SBDS: variants seen among roughly 807,000 people sequenced by gnomAD.
SBDS encodes the protein SBDS ribosome maturation factor.
In SBDS, 20 loss-of-function variants were observed where a neutral mutation model predicts 26.4. The ratio of observed to expected loss-of-function variants is 0.76; its 90% confidence interval spans 0.53 to 1.10. The LOEUF (loss-of-function observed/expected upper bound fraction) is 1.10, where lower values mean the gene tolerates loss of function less well. SBDS is among the 50% of genes least tolerant of loss of function. The probability of loss-of-function intolerance (pLI) is 0.00; values close to 1 mark genes in which losing one functional copy is unlikely to be tolerated. For synonymous variants in SBDS, 95 were observed against 105.1 expected, an observed-to-expected ratio of 0.90 and a Z score of 0.59; for missense variants, 241 against 302.0, an observed-to-expected ratio of 0.80 and a Z score of 1.50.
chr7:66,994,439 A>G (rs1393523117), intron 1 of SBDS, 98 bp from the exon 2 acceptor site: 18 of 1,097,254 alleles, frequency 1.6e-5, no homozygotes, highest in Non-Finnish European at 1.9e-5. Context: ...GAACGGCAAG[A>G]CACAACAAAT....
intron 2 of SBDS, 28 bp downstream of exon 2, chr7:66,994,184 G>A (rs749210195): frequency 6.2e-7 from 1 of 1,612,124 alleles, no homozygotes; most frequent in South Asian, 1.1e-5. Context: ...TGGTTATTAG[G>A]GTTAGCTATG....
rs779179610 is a variant in SBDS, at chr7:66,988,390, CCTT to C, written c.731_733del (p.Glu244del). The stretch of plus-strand genomic sequence containing the variant: ...TGGGTGTCATTCAAATTTCTCATCT[CCTT>C]CTTCTACATCTTTCAGATTGAGTAC... On this transcript the variant is annotated inframe_deletion, in exon 5 of 5. Coordinates refer to ENST00000246868, the MANE Select transcript of SBDS (RefSeq NM_016038.4). 5.6e-6 allele frequency: 9 copies of C among 1,613,464 alleles called. No homozygotes were observed. Among genetic ancestry groups the C allele is most frequent in the African/African-American group, 2.7e-5 (2 of 74,918 alleles).
Position 66,994,359 on chromosome 7 carries a change from G to T in SBDS, c.129-18C>A, listed in dbSNP as rs1793041141. 6.2e-7 allele frequency: 1 copy of T among 1,611,548 alleles called. No individual in the cohort carries two copies. The highest frequency in any genetic ancestry group is 1.3e-5 in the African/African-American group (1 of 74,840). On this transcript the variant is annotated intron_variant, in intron 1 of 4. Coordinates refer to ENST00000246868, the MANE Select transcript of SBDS (RefSeq NM_016038.4). Reference sequence around the variant, plus strand: ...CTTTTTCCCTTGTGAGGGCAGGAGAGAAAGTCCTATGTGAATATACTTGAA... The same window carrying T: ...CTTTTTCCCTTGTGAGGGCAGGAGATAAAGTCCTATGTGAATATACTTGAA...
At chr7:66,994,457 A>G (rs1488385526) in intron 1 of SBDS, 116 bp from the exon 2 acceptor site, 2 of 962,878 alleles carry the variant, frequency 2.1e-6, no homozygotes, top group East Asian at 5.1e-5. Flanking sequence ...AATCCCCCTG[A>G]TGACCTTTAG....
At chr7:66,989,645 G>A (rs1169389439) in intron 4 of SBDS, among the ~76,000 whole-genome samples, 1 of 152,136 alleles carries the variant, frequency 6.6e-6, no homozygotes, top group East Asian at 1.9e-4. Context: ...GCTGTGGGGT[G>A]AGGTCATAAG....
At chr7:66,994,399 T>C in intron 1 of SBDS, 58 bp from the exon 2 acceptor site, 4 of 1,484,178 alleles carry the variant, frequency 2.7e-6, no homozygotes, top group Non-Finnish European at 3.8e-6. Flanking sequence ...GGACATGCAT[T>C]TACATTTAAA....
rs1170553792 is a variant in SBDS, at chr7:66,993,923, C to A, written c.258+289G>T. ...ATCTGAAAGATGAAATACTTGAAAA[C>A]AAATTCAGTTTTCAGGTATACCACA... On this transcript the variant is annotated intron_variant, in intron 2 of 4. Transcript: ENST00000246868. Among the ~76,000 whole-genome samples the A allele has an allele frequency of 1.2e-4, 17 of 143,778 alleles. 1 individual carries two copies. In the Admixed American group the frequency reaches 1.2e-3, roughly 10 times the overall value. The allele number at this position is 143,778 out of a possible 152,430, so 94.3% of individuals were successfully genotyped here. A position where few individuals can be genotyped will look rare whatever the true frequency, so the allele number is the denominator to read the frequency against.
At chr7:66,988,844 C>G (rs1021400790) in intron 4 of SBDS, among the ~76,000 whole-genome samples, 2 of 152,122 alleles carry the variant, frequency 1.3e-5, no homozygotes, top group African/African-American at 4.8e-5. Flanking sequence ...GTCACCTCCA[C>G]GTATGAAGGA....
chr7:66,992,677 A>G (rs1294055922), intron 3 of SBDS, among the ~76,000 whole-genome samples: 1 of 151,968 alleles, frequency 6.6e-6, no homozygotes, highest in Non-Finnish European at 1.5e-5. Flanking sequence ...ACTTGCTTCC[A>G]TGCAGACCCA....
In SBDS at chr7:66,993,344, A is replaced by G. The variant is rs769608705; in HGVS notation, c.332T>C (p.Ile111Thr). The change falls in exon 3 of 5, where the codon ATT becomes ACT. Residue 111 changes from isoleucine to threonine, a missense_variant. Physicochemically the swap from Ile to Thr is moderately conservative, Grantham distance 89. Coordinates refer to ENST00000246868, the MANE Select transcript of SBDS (RefSeq NM_016038.4). ...ACATTTGTCTGCCACAATAGTTGCAATGTCCCTAAACATCTGCTCCAGTTG... is the reference window on the plus strand; with the variant it reads ...ACATTTGTCTGCCACAATAGTTGCAGTGTCCCTAAACATCTGCTCCAGTTG... ...HTQLEQMFRD[I>T]ATIVADKCVN... is the part of the protein sequence containing the mutation. 2.5e-6 allele frequency: 4 copies of G among 1,614,082 alleles called. No individual in the cohort carries two copies. In the South Asian group the frequency reaches 3.3e-5, roughly 13 times the overall value.
intron 4 of SBDS, among the ~76,000 whole-genome samples, chr7:66,990,031 T>TG (rs1016935450): frequency 5.9e-5 from 9 of 151,908 alleles, no homozygotes; most frequent in Non-Finnish European, 1.2e-4. Context: ...TTTTTTTTTT[T>TG]TTTTTGAGAT....
intron 4 of SBDS, among the ~76,000 whole-genome samples, chr7:66,989,913 C>T (rs537769874): frequency 4.0e-5 from 6 of 151,062 alleles, no homozygotes; most frequent in African/African-American, 1.4e-4. Flanking sequence ...CTAGCTTTTC[C>T]TCACATGATG....
At chr7:66,993,124 A>G in intron 3 of SBDS, 93 bp downstream of exon 3, 1 of 1,171,656 alleles carries the variant, frequency 8.5e-7, no homozygotes, top group Non-Finnish European at 1.3e-6. Context: ...GGCATGAACC[A>G]TTGTGCCTGG....
intron 3 of SBDS, among the ~76,000 whole-genome samples, chr7:66,992,934 G>A (rs555055994): frequency 6.6e-6 from 1 of 151,472 alleles, no homozygotes; most frequent in Non-Finnish European, 1.5e-5. Flanking sequence ...TTGAACGCGG[G>A]AGGTGGAGAT....
chr7:66,995,030 T>C lies in SBDS; in HGVS notation c.128+260A>G. ...AGGAAAAGGACCACAATTACGAGAT[T>C]TCTTGGCTGCAGCTTTTATGACACC... On this transcript the variant is annotated intron_variant, in intron 1 of 4. Transcript: ENST00000246868. 3 of 559,370 alleles carry C rather than the reference T, an allele frequency of 5.4e-6. No homozygotes were observed. In the East Asian group the frequency reaches 9.1e-5, roughly 17 times the overall value. 34.7% of individuals were successfully genotyped at this position (559,370 alleles called of 1,614,324 possible). A position where few individuals can be genotyped will look rare whatever the true frequency, so the allele number is the denominator to read the frequency against.
Position 66,995,403 on chromosome 7 carries a change from G to T in SBDS, c.15C>A (p.Thr5=), listed in dbSNP as rs757728020. 4.3e-6 allele frequency: 7 copies of T among 1,613,898 alleles called. No individual in the cohort carries two copies. In the South Asian group the frequency reaches 7.7e-5, roughly 18 times the overall value. Residue 5 remains threonine, a synonymous_variant, in exon 1 of 5, where the codon ACC becomes ACA. Transcript: ENST00000246868. ...TGGTTAGGCGGATCTGGTTGGTGGG[G>T]GTGAAGATCGACATCGCGGCTGTTC... MSIF[T]PTNQIRLTNV...
chr7:66,995,331 G>A lies in SBDS; in HGVS notation c.87C>T (p.Ile29=), dbSNP rs766151644. 5 of 1,614,002 alleles carry A rather than the reference G, an allele frequency of 3.1e-6. No homozygotes were observed. The African/African-American group carries it at 6.7e-5, about 22-fold the overall frequency. The stretch of plus-strand genomic sequence containing the variant: ...CGACGACCTTGTTTTTGTAGCAGGC[G>A]ATTTCGAAGCGCTTCCCGGCACGCT... The part of the protein sequence containing the change: ...RMKRAGKRFE[I]ACYKNKVVGW... Residue 29 remains isoleucine, a synonymous_variant, in exon 1 of 5, where the codon ATC becomes ATT. Transcript: ENST00000246868.
intron 1 of SBDS, among the ~76,000 whole-genome samples, chr7:66,994,999 T>G (rs1793067523): frequency 6.6e-6 from 1 of 152,202 alleles, no homozygotes; most frequent in South Asian, 2.1e-4. Flanking sequence ...CAGCCATCAT[T>G]ATTCTAGGAA....
chr7:66,990,248 C>T (rs1334574507), intron 4 of SBDS, among the ~76,000 whole-genome samples: 1 of 152,122 alleles, frequency 6.6e-6, no homozygotes, highest in Non-Finnish European at 1.5e-5. Flanking sequence ...GAACTCCCGA[C>T]CTCAGGTGAT....
Sources: allele counts gnomAD v4.1 joint callset (sites outside exome capture counted in the v4.1 genomes callset), GRCh38; gene constraint gnomAD v4.1.1; transcripts MANE v1.5; gene names NCBI Gene and HGNC (gene_info 2026-07-23, HGNC 2026-07-21).